PRKAR2A: variants seen among roughly 807,000 people sequenced by gnomAD.
The protein encoded by PRKAR2A is cAMP-dependent protein kinase type II-alpha regulatory subunit.
In PRKAR2A, 29 loss-of-function variants were observed where a neutral mutation model predicts 51.9. The ratio of observed to expected loss-of-function variants is 0.56; its 90% CI spans 0.42 to 0.76. PRKAR2A has a LOEUF of 0.76. Ranked by LOEUF, PRKAR2A falls within the 30% of genes least tolerant of loss-of-function variation. The pLI, the probability that PRKAR2A is intolerant of heterozygous loss-of-function variation, is 0.00. For synonymous variants in PRKAR2A, 178 were observed against 186.2 expected (o/e 0.96, Z 0.36); for missense variants, 445 against 512.1 (o/e 0.87, Z 1.26).
intron 5 of PRKAR2A, among the ~76,000 whole-genome samples, chr3:48,781,321 G>A (rs1482856758): frequency 6.7e-6 from 1 of 149,644 alleles, no homozygotes; most frequent in Non-Finnish European, 1.5e-5. Context: ...GGAGTAGAAC[G>A]CTAACCTAGG....
At chr3:48,783,138 GA>G (rs2082231503) in intron 4 of PRKAR2A, 46 bp from the exon 5 acceptor site, 5 of 1,261,026 alleles carry the variant, frequency 4.0e-6, no homozygotes, top group African/African-American at 1.5e-5. Flanking sequence ...TACATATGCT[GA>G]AAAAAAGCAG....
At chr3:48,789,067 T>C (rs2082340224) in intron 4 of PRKAR2A, among the ~76,000 whole-genome samples, 1 of 152,118 alleles carries the variant, frequency 6.6e-6, no homozygotes. Flanking sequence ...CATACCAGCA[T>C]CTTCAGAAAA....
At chr3:48,824,185 G>A (rs1280623875) in intron 1 of PRKAR2A, among the ~76,000 whole-genome samples, 3 of 152,092 alleles carry the variant, frequency 2.0e-5, no homozygotes, top group Non-Finnish European at 4.4e-5. Flanking sequence ...CGGTTGCAGT[G>A]AGCTGAGATC....
At chr3:48,821,301 G>C (rs2082956168) in intron 1 of PRKAR2A, among the ~76,000 whole-genome samples, 2 of 152,154 alleles carry the variant, frequency 1.3e-5, no homozygotes, top group African/African-American at 4.8e-5. Flanking sequence ...CTGCTGTAAA[G>C]ACCAGCTTTG....
At chr3:48,816,358 C>G (rs2082874307) in intron 1 of PRKAR2A, among the ~76,000 whole-genome samples, 1 of 152,204 alleles carries the variant, frequency 6.6e-6, no homozygotes, top group Non-Finnish European at 1.5e-5. Flanking sequence ...TCTCTAGCAT[C>G]TAGCACAGTG....
intron 1 of PRKAR2A, among the ~76,000 whole-genome samples, chr3:48,818,596 A>T (rs554102515): frequency 3.3e-5 from 5 of 152,250 alleles, no homozygotes; most frequent in African/African-American, 1.2e-4. Context: ...CAAAAAAAAA[A>T]TGTTTTAATT....
At position 48,847,240 on chromosome 3, in the gene PRKAR2A, C is replaced by A; in HGVS notation, c.262+95G>T. The A allele has an allele frequency of 6.9e-7, 1 of 1,446,362 alleles. No individual in the cohort carries two copies. The highest frequency in any genetic ancestry group is 2.6e-5 in the East Asian group (1 of 38,210). 89.6% of individuals were successfully genotyped at this position (1,446,362 alleles called of 1,614,324 possible). A position where few individuals can be genotyped will look rare whatever the true frequency, so the allele number is the denominator to read the frequency against. On this transcript the variant is annotated intron_variant, in intron 1 of 10. Transcript: ENST00000265563. The surrounding 1 kb of genome is among the most constrained non-coding windows in gnomAD (Gnocchi z 4.4). ...AGAGCTCCCAATCCCAGCCTGCGGT[C>A]GGCTTGGCTGCGGCGCGACACCTGG...
At chr3:48,771,626 C>T (rs531091737) in intron 6 of PRKAR2A, among the ~76,000 whole-genome samples, 5 of 152,154 alleles carry the variant, frequency 3.3e-5, no homozygotes, top group Admixed American at 3.3e-4. Context: ...TCTCACTATG[C>T]TGCCCAGGTA....
intron 6 of PRKAR2A, among the ~76,000 whole-genome samples, chr3:48,769,930 G>A (rs552021320): frequency 1.1e-4 from 17 of 152,058 alleles, no homozygotes; most frequent in South Asian, 8.3e-4. Context: ...GGCATGTGCC[G>A]CCACATCAGC....
chr3:48,775,331 G>A (rs1295549644), intron 5 of PRKAR2A, among the ~76,000 whole-genome samples: 2 of 151,518 alleles, frequency 1.3e-5, no homozygotes, highest in Admixed American at 6.6e-5. Flanking sequence ...CCAGCTACTC[G>A]GGAGGCTGAG....
rs1041642576 is a variant in PRKAR2A at position 48,779,656 on chromosome 3, T to C, written c.542+3330A>G. Among the ~76,000 whole-genome samples, 3 of 151,246 alleles carry C rather than the reference T, an allele frequency of 2.0e-5. No homozygotes were observed. In the South Asian group the frequency reaches 6.3e-4, roughly 32 times the overall value. On this transcript the variant is annotated intron_variant, in intron 5 of 10. Transcript: ENST00000265563. ...TTAGCTGGGAGTGGTGGTGGGTGCCTGTAATCCCAGCTACTCAGGAGGCTA... is the reference window on the plus strand; with the variant it reads ...TTAGCTGGGAGTGGTGGTGGGTGCCCGTAATCCCAGCTACTCAGGAGGCTA...
intron 6 of PRKAR2A, among the ~76,000 whole-genome samples, chr3:48,767,939 CA>C (rs1031383145): frequency 6.7e-6 from 1 of 149,000 alleles, no homozygotes. Context: ...AAAAAACAAA[CA>C]AAAAAACCCC....
chr3:48,842,897 T>C (rs1021928383), intron 1 of PRKAR2A, among the ~76,000 whole-genome samples: 8 of 152,186 alleles, frequency 5.3e-5, no homozygotes, highest in South Asian at 2.1e-4. Flanking sequence ...TGTCTCTGCC[T>C]GGCTTTGGTA....
At chr3:48,814,294 T>C (rs2082836061) in intron 1 of PRKAR2A, among the ~76,000 whole-genome samples, 1 of 151,128 alleles carries the variant, frequency 6.6e-6, no homozygotes, top group Non-Finnish European at 1.5e-5. Flanking sequence ...GGCTTGCACA[T>C]GTAATCCCAC....
intron 4 of PRKAR2A, among the ~76,000 whole-genome samples, chr3:48,786,656 T>A (rs1046288379): frequency 1.3e-4 from 19 of 150,768 alleles, no homozygotes; most frequent in East Asian, 5.9e-4. Context: ...TAAAAAAAAA[T>A]TTTTAAAAAA....
chr3:48,838,825 A>T (rs899180904), intron 1 of PRKAR2A, among the ~76,000 whole-genome samples: 3 of 151,320 alleles, frequency 2.0e-5, no homozygotes, highest in Non-Finnish European at 4.4e-5. Flanking sequence ...AAAAAAAAAA[A>T]TACAAAAAAT....
At chr3:48,763,482 C>G (rs1203731031) in intron 8 of PRKAR2A, among the ~76,000 whole-genome samples, 1 of 152,182 alleles carries the variant, frequency 6.6e-6, no homozygotes, top group Admixed American at 6.5e-5. Flanking sequence ...CTAGAACCTT[C>G]AGGATGACTT....
At chr3:48,828,858 G>A (rs1012746389) in intron 1 of PRKAR2A, among the ~76,000 whole-genome samples, 1 of 151,416 alleles carries the variant, frequency 6.6e-6, no homozygotes, top group African/African-American at 2.4e-5. Context: ...GTTTGAGACA[G>A]AGCCTTGCTC....
intron 1 of PRKAR2A, among the ~76,000 whole-genome samples, chr3:48,839,334 AAAAACCAAT>A (rs1476238291): frequency 1.3e-5 from 2 of 151,852 alleles, no homozygotes; most frequent in Non-Finnish European, 2.9e-5. Context: ...CACAGATATG[AAAAACCAAT>A]TATACATTCT....
Sources: gnomAD v4.1 joint callset for allele counts (sites outside exome capture counted in the v4.1 genomes callset) on GRCh38, gnomAD v4.1.1 for gene constraint, Gnocchi (gnomAD v3.1) non-coding constraint, MANE v1.5 for transcripts, NCBI Gene and HGNC (gene_info 2026-07-23, HGNC 2026-07-21) for gene names.